The following MICAL2 variants were observed in gnomAD, a reference collection of about 807,000 sequenced individuals.
MICAL2 encodes the protein [F-actin]-monooxygenase MICAL2.
In MICAL2, 77 loss-of-function variants were observed where a neutral mutation model predicts 127.3. The observed-to-expected ratio is 0.60, with a 90% confidence interval of 0.50 to 0.73. MICAL2 has a LOEUF of 0.73. MICAL2 is among the 30% of genes least tolerant of loss of function. The pLI is 0.00. For synonymous variants in MICAL2, 570 were observed against 551.1 expected (o/e 1.03, Z -0.48); for missense variants, 1,351 against 1,434.4 (o/e 0.94, Z 0.94).
chr11:12,171,451 A>G (rs1856243895), intron 3 of MICAL2, among the ~76,000 whole-genome samples: 1 of 152,138 alleles, frequency 6.6e-6, no homozygotes, highest in Admixed American at 6.5e-5. Flanking sequence ...TTTTTCCCAC[A>G]ATTAAAAATA....
chr11:12,258,330 C>A, intron 24 of MICAL2, 138 bp from the exon 25 acceptor site: 1 of 669,774 alleles, frequency 1.5e-6, no homozygotes, highest in Non-Finnish European at 2.6e-6. Flanking sequence ...GAAGCCGTTT[C>A]CCAAGTTTGA....
At position 12,227,090 on chromosome 11, in the gene MICAL2, A is replaced by G; in HGVS notation, c.1954A>G (p.Asn652Asp). 1 of 1,614,124 alleles carries G rather than the reference A, an allele frequency of 6.2e-7. No homozygotes were observed. The change falls in exon 15 of 28, where the codon AAC (asparagine) becomes GAC (aspartate). Residue 652 changes from asparagine (N) to aspartate (D), a missense_variant. Asn to Asp is a conservative substitution (Grantham distance 23, BLOSUM62 1). This residue lies in a region of MICAL2 where 752 missense variants were observed against 719.4 expected (regional missense o/e 1.05). Coordinates refer to ENST00000683283, the MANE Select transcript of MICAL2 (RefSeq NM_001282663.2). The stretch of plus-strand genomic sequence containing the variant: ...CTTGGCCAAATCATCCATTTCTAAT[A>G]ACTATCTCAACCTCACATTTCCAAG... ...LSLAKSSISN[N>D]YLNLTFPRKR...
chr11:12,229,880 C>T (rs1264662710), intron 15 of MICAL2, among the ~76,000 whole-genome samples: 1 of 152,212 alleles, frequency 6.6e-6, no homozygotes, highest in Non-Finnish European at 1.5e-5. Context: ...GAGTCAAGGC[C>T]CACAGATCTG....
intron 33 of MICAL2, among the ~76,000 whole-genome samples, chr11:12,351,883 T>G (rs1358604789): frequency 2.0e-5 from 3 of 150,478 alleles, no homozygotes; most frequent in Non-Finnish European, 4.4e-5. Flanking sequence ...CTCCACCTCC[T>G]GGGTTCAAGT....
chr11:12,355,379 A>T (rs928624489), intron 34 of MICAL2, among the ~76,000 whole-genome samples: 2 of 152,168 alleles, frequency 1.3e-5, no homozygotes, highest in African/African-American at 2.4e-5. Context: ...CACATGAGAA[A>T]ACGATTCCAC....
chr11:12,182,061 A>G (rs1857543681), intron 3 of MICAL2, among the ~76,000 whole-genome samples: 1 of 152,212 alleles, frequency 6.6e-6, no homozygotes, highest in Non-Finnish European at 1.5e-5. Flanking sequence ...TACACTTACA[A>G]CTAGAAATTA....
At chr11:12,260,517 A>G in intron 26 of MICAL2, 6 of 1,039,120 alleles carry the variant, frequency 5.8e-6, no homozygotes, top group Non-Finnish European at 6.9e-6. Context: ...AACCAGTTTT[A>G]TAAACCCCTT....
intron 1 of MICAL2, among the ~76,000 whole-genome samples, chr11:12,278,885 C>T (rs955778884): frequency 1.3e-5 from 2 of 152,100 alleles, no homozygotes; most frequent in East Asian, 1.9e-4. Context: ...GTTTTGGGCA[C>T]GTTGGGTTTG....
At chr11:12,342,775 G>T (rs1288419058) in intron 32 of MICAL2, among the ~76,000 whole-genome samples, 1 of 152,220 alleles carries the variant, frequency 6.6e-6, no homozygotes, top group Non-Finnish European at 1.5e-5. Context: ...CAGACGTGAG[G>T]TTACGTGCCC....
chr11:12,114,023 T>G (rs1052908134), intron 1 of MICAL2, among the ~76,000 whole-genome samples: 1 of 152,256 alleles, frequency 6.6e-6, no homozygotes, highest in Admixed American at 6.5e-5. Context: ...GCTATGTCCA[T>G]GAGGGTATCT....
intron 1 of MICAL2, among the ~76,000 whole-genome samples, chr11:12,119,313 G>T (rs1183553876): frequency 6.6e-6 from 1 of 152,172 alleles, no homozygotes; most frequent in Non-Finnish European, 1.5e-5. Context: ...AGAGGAGAGA[G>T]GCTATTTTTA....
rs1330719286 is a variant in MICAL2, at chr11:12,258,467, G to A, written c.3143-1G>A. On this transcript the variant is annotated splice_acceptor_variant, in intron 24 of 27. Transcript: ENST00000683283. LOFTEE classifies it high-confidence loss of function. ...CTGTATGTGTGTGCCTCTTTTTACA[G>A]GCAAATTTTACTGCAAGCCTCACTT... The A allele has an allele frequency of 6.2e-7, 1 of 1,613,996 alleles. No homozygotes were observed. The highest frequency in any genetic ancestry group is 1.7e-5 in the Admixed American group (1 of 60,028).
chr11:12,194,275 T>A (rs889039231), intron 3 of MICAL2, among the ~76,000 whole-genome samples: 1 of 152,246 alleles, frequency 6.6e-6, no homozygotes, highest in South Asian at 2.1e-4. Flanking sequence ...TACCGGGATT[T>A]GAATCCTAGC....
intron 6 of MICAL2, among the ~76,000 whole-genome samples, chr11:12,211,795 G>A (rs546635967): frequency 2.6e-5 from 4 of 152,332 alleles, no homozygotes; most frequent in African/African-American, 9.6e-5. Flanking sequence ...GAGTCCAGTG[G>A]CAGTGGGTTG....
At chr11:12,322,309 C>G (rs78174437) in intron 30 of MICAL2, among the ~76,000 whole-genome samples, 5,580 of 152,228 alleles carry the variant, frequency 0.037, 366 homozygotes, top group African/African-American at 0.13. Context: ...CACCTCTTCC[C>G]TAGAGCCTTT....
chr11:12,198,634 C>T (rs1244015129), intron 3 of MICAL2, among the ~76,000 whole-genome samples: 1 of 152,112 alleles, frequency 6.6e-6, no homozygotes, highest in Admixed American at 6.5e-5. Flanking sequence ...GTCCCTGGCA[C>T]CAGTGCACTG....
intron 12 of MICAL2, 152 bp from the exon 13 acceptor site, chr11:12,224,521 G>A: frequency 2.2e-6 from 2 of 911,402 alleles, no homozygotes; most frequent in Non-Finnish European, 1.6e-6. Context: ...TCCTCAGGGA[G>A]CTGCACCCGT....
At chr11:12,357,357 T>C (rs748100308) in intron 34 of MICAL2, among the ~76,000 whole-genome samples, 1 of 152,190 alleles carries the variant, frequency 6.6e-6, no homozygotes, top group Non-Finnish European at 1.5e-5. Context: ...GTCCTTTCAT[T>C]TTCTAACAAT....
intron 15 of MICAL2, among the ~76,000 whole-genome samples, chr11:12,235,672 G>T (rs184102237): frequency 1.4e-3 from 208 of 152,302 alleles, no homozygotes; most frequent in Middle Eastern, 6.8e-3. Context: ...TGAGCCCTGA[G>T]AGTCCATGTG....
Sources: gnomAD v4.1 joint callset for allele counts (sites outside exome capture counted in the v4.1 genomes callset) on GRCh38, gnomAD v4.1.1 for gene constraint, gnomAD v4.1.1 regional missense constraint, MANE v1.5 for transcripts, NCBI Gene and HGNC (gene_info 2026-07-23, HGNC 2026-07-21) for gene names.